The following KAZN variants were observed in gnomAD, a reference collection of about 807,000 sequenced individuals.
The protein encoded by KAZN is kazrin.
A neutral mutation model predicts 87.4 loss-of-function variants in KAZN; 40 were observed. The ratio of observed to expected loss-of-function variants is 0.46; its 90% CI spans 0.36 to 0.60. The LOEUF is 0.60. Among genes scored for constraint, KAZN ranks in the 20% least tolerant of loss-of-function variants. KAZN has a pLI of 0.00. For synonymous variants in KAZN, 466 were observed against 458.3 expected (o/e 1.02, Z -0.22); for missense variants, 898 against 1,073.9 (o/e 0.84, Z 2.29).
At chr1:14,001,493 G>GA (rs1639790178) in intron 1 of KAZN, among the ~76,000 whole-genome samples, 1 of 152,084 alleles carries the variant, frequency 6.6e-6, no homozygotes, top group Non-Finnish European at 1.5e-5. Flanking sequence ...CACAAAATTA[G>GA]AAAAAACTAC....
At position 14,599,416 on chromosome 1, in the gene KAZN, C is replaced by T. The variant is rs1171897739; in HGVS notation, c.226+193C>T. Among the ~76,000 whole-genome samples the T allele has an allele frequency of 6.6e-6, 1 of 152,160 alleles. No homozygotes were observed. ...TGCAGGCTGCTGTCATTCACGAAAA[C>T]CCGAGCGCAGTGTGCACGGGGTCAC... On this transcript the variant is annotated intron_variant, in intron 1 of 14. Transcript: ENST00000376030. The surrounding 1 kb of genome is among the most constrained non-coding windows in gnomAD (Gnocchi z 4.4).
chr1:14,258,992 A>G (rs543118959), intron 2 of KAZN, among the ~76,000 whole-genome samples: 16 of 152,316 alleles, frequency 1.1e-4, no homozygotes, highest in African/African-American at 3.1e-4. Context: ...AGGAGAGGTA[A>G]TCACGGGGCT....
intron 1 of KAZN, among the ~76,000 whole-genome samples, chr1:14,605,468 A>G (rs554212147): frequency 3.3e-5 from 5 of 152,340 alleles, no homozygotes; most frequent in African/African-American, 1.2e-4. Context: ...TAAACATAGC[A>G]TAATATAAAC....
chr1:14,001,557 G>A (rs1402912936), intron 1 of KAZN, among the ~76,000 whole-genome samples: 2 of 152,064 alleles, frequency 1.3e-5, no homozygotes, highest in Non-Finnish European at 2.9e-5. Flanking sequence ...ACAATCCTAG[G>A]CAAAAAGAAC....
chr1:14,792,489 G>C (rs1422333800), intron 1 of KAZN, among the ~76,000 whole-genome samples: 5 of 152,120 alleles, frequency 3.3e-5, no homozygotes, highest in African/African-American at 1.2e-4. Context: ...CCATCTCCCA[G>C]GTACATTAGA....
intron 1 of KAZN, among the ~76,000 whole-genome samples, chr1:14,742,482 A>G (rs1358550748): frequency 6.6e-6 from 1 of 152,208 alleles, no homozygotes; most frequent in Non-Finnish European, 1.5e-5. Flanking sequence ...TACGTGCTTG[A>G]ATGAATGAAG....
At chr1:14,214,323 G>T (rs1373823245) in intron 2 of KAZN, among the ~76,000 whole-genome samples, 3 of 152,070 alleles carry the variant, frequency 2.0e-5, no homozygotes. Flanking sequence ...CAAACTCAAG[G>T]CAAGATTATG....
chr1:14,046,314 A>G (rs1642071314), intron 1 of KAZN, among the ~76,000 whole-genome samples: 1 of 152,206 alleles, frequency 6.6e-6, no homozygotes, highest in Non-Finnish European at 1.5e-5. Flanking sequence ...GGAAAAATAC[A>G]TCTGAAGATT....
At chr1:14,924,151 T>C (rs1658866106) in intron 1 of KAZN, 1 of 981,254 alleles carries the variant, frequency 1.0e-6, no homozygotes, top group African/African-American at 1.8e-5. Context: ...CGTGAGAGGC[T>C]CCGCGGCCGA....
At chr1:14,354,517 G>C (rs1456750178) in intron 2 of KAZN, among the ~76,000 whole-genome samples, 1 of 152,164 alleles carries the variant, frequency 6.6e-6, no homozygotes, top group Non-Finnish European at 1.5e-5. Context: ...CTAGCAGACA[G>C]TTCATAAAAG....
chr1:14,096,040 G>A (rs1157996), intron 1 of KAZN, among the ~76,000 whole-genome samples: 22,094 of 152,226 alleles, frequency 0.15, 2,169 homozygotes, highest in Middle Eastern at 0.27. Flanking sequence ...AAAAATGGTA[G>A]AATAGTAGCA....
At chr1:14,976,794 C>T (rs1259932516) in intron 2 of KAZN, among the ~76,000 whole-genome samples, 1 of 152,156 alleles carries the variant, frequency 6.6e-6, no homozygotes, top group Non-Finnish European at 1.5e-5. Flanking sequence ...TGGCTCACGC[C>T]TGTAATCTCA....
intron 2 of KAZN, among the ~76,000 whole-genome samples, chr1:14,511,806 C>T (rs768341974): frequency 2.6e-5 from 4 of 151,914 alleles, no homozygotes; most frequent in Non-Finnish European, 5.9e-5. Context: ...CCAGCAGCTT[C>T]GACAATCATG....
At chr1:15,085,625 A>G (rs1425231672) in intron 8 of KAZN, among the ~76,000 whole-genome samples, 1 of 151,944 alleles carries the variant, frequency 6.6e-6, no homozygotes, top group Non-Finnish European at 1.5e-5. Context: ...ACCACGCACC[A>G]CCCACTAGCC....
At chr1:14,553,942 AC>A (rs1673704181) in intron 2 of KAZN, among the ~76,000 whole-genome samples, 1 of 152,154 alleles carries the variant, frequency 6.6e-6, no homozygotes, top group African/African-American at 2.4e-5. Context: ...CTAATGTGTA[AC>A]CAAGGGTGAC....
chr1:14,421,416 C>T (rs1043963090), intron 2 of KAZN, among the ~76,000 whole-genome samples: 5 of 152,060 alleles, frequency 3.3e-5, no homozygotes, highest in African/African-American at 1.2e-4. Flanking sequence ...AAGAAGGACA[C>T]GAGGAAAGCC....
intron 10 of KAZN, among the ~76,000 whole-genome samples, chr1:15,098,787 C>A (rs564809660): frequency 6.6e-6 from 1 of 152,234 alleles, no homozygotes; most frequent in Admixed American, 6.5e-5. Context: ...TCCAGGTGGA[C>A]TGGGGCAGAT....
intron 1 of KAZN, among the ~76,000 whole-genome samples, chr1:14,008,494 A>G (rs1043478797): frequency 1.3e-5 from 2 of 152,236 alleles, no homozygotes; most frequent in African/African-American, 4.8e-5. Flanking sequence ...AGATCAACTA[A>G]TCATTTAGTA....
chr1:14,242,207 A>T (rs574792245), intron 2 of KAZN, among the ~76,000 whole-genome samples: 1 of 152,316 alleles, frequency 6.6e-6, no homozygotes, highest in African/African-American at 2.4e-5. Flanking sequence ...GAAGACTGTA[A>T]ACTGTCTAAA....
Sources: gnomAD v4.1 joint callset for allele counts (sites outside exome capture counted in the v4.1 genomes callset) on GRCh38, gnomAD v4.1.1 for gene constraint, Gnocchi (gnomAD v3.1) non-coding constraint, MANE v1.5 for transcripts, NCBI Gene and HGNC (gene_info 2026-07-23, HGNC 2026-07-21) for gene names.